Variants in TNKS observed in about 807,000 individuals in gnomAD.
The protein encoded by TNKS is poly [ADP-ribose] polymerase tankyrase-1.
TNKS carries 72 observed loss-of-function variants against 135.8 expected under a neutral mutation model. The ratio of observed to expected loss-of-function variants is 0.53; its 90% confidence interval spans 0.44 to 0.64. The LOEUF is 0.64. Ranked by LOEUF, TNKS falls within the 30% of genes least tolerant of loss-of-function variation. TNKS has a pLI of 0.00. For missense variants in TNKS, 1,769 were observed against 1,674.0 expected (o/e 1.06, Z -0.99); for synonymous variants, 849 against 649.3 (o/e 1.31, Z -4.68).
chr8:9,771,957 GGAGGGAGTGA>G (rs371775021), intron 26 of TNKS, among the ~76,000 whole-genome samples: 377 of 16,652 alleles, frequency 0.023, 8 homozygotes, highest in Non-Finnish European at 0.031. Flanking sequence ...GGAGGGAGTG[GGAGGGAGTGA>G]GAGGGAGAAA....
At chr8:9,584,909 C>T (rs1441216618) in intron 2 of TNKS, among the ~76,000 whole-genome samples, 1 of 152,174 alleles carries the variant, frequency 6.6e-6, no homozygotes, top group East Asian at 1.9e-4. Flanking sequence ...TGTTCCAACG[C>T]ATGTGGGATT....
intron 25 of TNKS, 137 bp from the exon 26 acceptor site, chr8:9,769,969 C>G: frequency 2.8e-6 from 2 of 710,462 alleles, no homozygotes; most frequent in East Asian, 5.6e-5. Flanking sequence ...CCATCCCATT[C>G]CTACTCATAA....
chr8:9,724,839 C>T lies in TNKS; in HGVS notation c.1922-1802C>T, dbSNP rs139950251. Among the ~76,000 whole-genome samples the T allele has an allele frequency of 4.9e-3, 739 of 152,272 alleles. 4 individuals carry two copies. Among genetic ancestry groups the T allele is most frequent in the East Asian group, 6.6e-3 (34 of 5,178 alleles). ...TTTTGCTTGATTGGAAAATTATACT[C>T]TTTAGTAGACAGTCCGCATCAAGAT... is the stretch of plus-strand genomic sequence containing the variant. On this transcript the variant is annotated intron_variant, in intron 12 of 26. Coordinates refer to ENST00000310430, the MANE Select transcript of TNKS (RefSeq NM_003747.3).
chr8:9,667,037 A>G (rs1233081794), intron 3 of TNKS, among the ~76,000 whole-genome samples: 1 of 152,076 alleles, frequency 6.6e-6, no homozygotes, highest in Non-Finnish European at 1.5e-5. Context: ...TCCGATTTTT[A>G]TGGTAGCAGT....
At position 9,708,577 on chromosome 8, in the gene TNKS, G is replaced by A. The variant is rs916310512; in HGVS notation, c.1578+85G>A. ...TGATTTTCATTTCAGAAACCTTAAA[G>A]TAACTTTAGTATCTGAAATGCCAGG... On this transcript the variant is annotated intron_variant, in intron 9 of 26. Coordinates refer to ENST00000310430, the MANE Select transcript of TNKS (RefSeq NM_003747.3). 4 of 1,273,924 alleles carry A rather than the reference G, an allele frequency of 3.1e-6. No homozygotes were observed. The African/African-American group carries it at 6.2e-5, about 20-fold the overall frequency. The allele number at this position is 1,273,924 out of a possible 1,614,324, so 78.9% of individuals were successfully genotyped here.
At chr8:9,687,723 C>G (rs1328248564) in intron 5 of TNKS, among the ~76,000 whole-genome samples, 3 of 152,300 alleles carry the variant, frequency 2.0e-5, no homozygotes, top group South Asian at 2.1e-4. Flanking sequence ...GTCCTGCCTT[C>G]CTATCCAGAA....
intron 9 of TNKS, among the ~76,000 whole-genome samples, chr8:9,708,958 A>C (rs1173560099): frequency 6.6e-6 from 1 of 151,364 alleles, no homozygotes; most frequent in East Asian, 1.9e-4. Context: ...TTTTTGTTTG[A>C]TACTATACAA....
chr8:9,572,485 C>G (rs1314822888), intron 1 of TNKS, among the ~76,000 whole-genome samples: 1 of 152,206 alleles, frequency 6.6e-6, no homozygotes, highest in Non-Finnish European at 1.5e-5. Context: ...TTCCCATCCT[C>G]TATCTCTCTT....
At chr8:9,574,315 G>GC (rs1455464396) in intron 1 of TNKS, among the ~76,000 whole-genome samples, 3 of 152,232 alleles carry the variant, frequency 2.0e-5, no homozygotes, top group Non-Finnish European at 4.4e-5. Context: ...TCCTCAACTG[G>GC]CGCCTCTAAA....
intron 3 of TNKS, among the ~76,000 whole-genome samples, chr8:9,626,722 G>C (rs879561670): frequency 1.3e-5 from 2 of 152,134 alleles, no homozygotes. Context: ...AGAAGTCTAG[G>C]TTCCCTATCT....
intron 20 of TNKS, among the ~76,000 whole-genome samples, chr8:9,758,550 T>C (rs1372701582): frequency 6.6e-6 from 1 of 152,210 alleles, no homozygotes; most frequent in Non-Finnish European, 1.5e-5. Flanking sequence ...AACAAACATG[T>C]ATTATTCCAC....
chr8:9,648,923 T>A (rs781072472), intron 3 of TNKS, among the ~76,000 whole-genome samples: 1 of 151,852 alleles, frequency 6.6e-6, no homozygotes, highest in African/African-American at 2.4e-5. Flanking sequence ...TATTACAGGA[T>A]TGTATAGGAA....
At chr8:9,755,034 A>G (rs552748916) in intron 20 of TNKS, among the ~76,000 whole-genome samples, 1 of 152,256 alleles carries the variant, frequency 6.6e-6, no homozygotes, top group Non-Finnish European at 1.5e-5. Context: ...TTTCAAACAC[A>G]TCTTTGCTAA....
chr8:9,695,841 T>A (rs1367172520), intron 5 of TNKS, among the ~76,000 whole-genome samples: 2 of 152,120 alleles, frequency 1.3e-5, no homozygotes, highest in East Asian at 1.9e-4. Flanking sequence ...AAGATGGGAA[T>A]GAAGAAAGAC....
At chr8:9,643,605 C>A (rs781403349) in intron 3 of TNKS, among the ~76,000 whole-genome samples, 13 of 152,110 alleles carry the variant, frequency 8.5e-5, no homozygotes, top group Non-Finnish European at 1.6e-4. Context: ...ACAACCACCA[C>A]CACCACCATA....
chr8:9,579,369 G>C (rs567882597), intron 1 of TNKS, among the ~76,000 whole-genome samples: 1 of 152,266 alleles, frequency 6.6e-6, no homozygotes, highest in South Asian at 2.1e-4. Context: ...TTCACCATGT[G>C]TTTCTCATAC....
chr8:9,730,846 G>T (rs1285635381), intron 13 of TNKS, 44 bp from the exon 14 acceptor site: 1 of 1,581,866 alleles, frequency 6.3e-7, no homozygotes, highest in East Asian at 2.3e-5. Flanking sequence ...TGAATAAAGA[G>T]TAATGTTCGT....
Position 9,751,718 on chromosome 8 carries a change from C to T in TNKS, c.2942C>T (p.Ser981Phe). 2 of 1,614,196 alleles carry T rather than the reference C, an allele frequency of 1.2e-6. No homozygotes were observed. The highest frequency in any genetic ancestry group is 1.7e-6 in the Non-Finnish European group (2 of 1,180,032). The change falls in exon 19 of 27, where the codon TCC (serine) becomes TTC (phenylalanine). Residue 981 changes from serine (S) to phenylalanine (F), a missense_variant. Around this residue, in one of 5 missense-constraint regions of TNKS, gnomAD observed 722 missense variants for 688.9 expected, o/e 1.05. Coordinates refer to ENST00000310430, the MANE Select transcript of TNKS (RefSeq NM_003747.3). Reference protein sequence around the residue: ...VVSASLISPASTPSCLSAASS... With the variant: ...VVSASLISPAFTPSCLSAASS... ...AGTGCCTCTCTGATCTCACCAGCAT[C>T]CACCCCCTCCTGCCTCTCGGCTGCC...
intron 1 of TNKS, among the ~76,000 whole-genome samples, chr8:9,562,762 A>C (rs1797386062): frequency 6.6e-6 from 1 of 151,952 alleles, no homozygotes; most frequent in Non-Finnish European, 1.5e-5. Context: ...AGGACCTGCT[A>C]AGAGCTGTTA....
Sources: allele counts gnomAD v4.1 joint callset (sites outside exome capture counted in the v4.1 genomes callset), GRCh38; gene constraint gnomAD v4.1.1; regional missense constraint gnomAD v4.1.1; transcripts MANE v1.5; gene names NCBI Gene and HGNC (gene_info 2026-07-23, HGNC 2026-07-21).